Variants in MIPOL1 observed in about 807,000 individuals in gnomAD.
MIPOL1 encodes the protein mirror-image polydactyly gene 1 protein.
A neutral mutation model predicts 60.9 loss-of-function variants in MIPOL1; 57 were observed. That is an observed-to-expected ratio of 0.94 (90% CI 0.76 to 1.17). The LOEUF (loss-of-function observed/expected upper bound fraction) is 1.17. Ranked by LOEUF, MIPOL1 falls within the 50% of genes most tolerant of loss-of-function variation. The pLI, the probability that MIPOL1 is intolerant of heterozygous loss-of-function variation, is 0.00. For missense variants in MIPOL1, 551 were observed against 511.6 expected, an observed-to-expected ratio of 1.08 and a Z score of -0.74; for synonymous variants, 179 against 168.8, an observed-to-expected ratio of 1.06 and a Z score of -0.47.
At chr14:37,520,022 A>G (rs1236158689) in intron 12 of MIPOL1, among the ~76,000 whole-genome samples, 2 of 152,140 alleles carry the variant, frequency 1.3e-5, no homozygotes, top group African/African-American at 4.8e-5. Context: ...ATCTATCAAC[A>G]GGGGCCTGAT....
At chr14:37,426,615 A>AAT (rs1230727940) in intron 11 of MIPOL1, among the ~76,000 whole-genome samples, 2 of 140,046 alleles carry the variant, frequency 1.4e-5, no homozygotes, top group African/African-American at 2.7e-5. Context: ...ATACATATAT[A>AAT]ATATGTATAT....
intron 10 of MIPOL1, chr14:37,401,205 G>GT (rs1422612283): frequency 6.6e-6 from 1 of 152,040 alleles, no homozygotes; most frequent in Non-Finnish European, 1.5e-5. Flanking sequence ...GGAAAATGGA[G>GT]TAAGTGCAGG....
chr14:37,254,063 C>T (rs1974528387), intron 3 of MIPOL1, among the ~76,000 whole-genome samples: 1 of 151,724 alleles, frequency 6.6e-6, no homozygotes, highest in Admixed American at 6.6e-5. Context: ...TCACACATGA[C>T]CATCTAGAAT....
At chr14:37,487,249 G>A (rs2094962180) in intron 11 of MIPOL1, among the ~76,000 whole-genome samples, 1 of 152,084 alleles carries the variant, frequency 6.6e-6, no homozygotes. Flanking sequence ...GTATTTTATT[G>A]AAGATTTTTG....
intron 9 of MIPOL1, among the ~76,000 whole-genome samples, chr14:37,345,652 G>C (rs2090897247): frequency 6.6e-6 from 1 of 152,146 alleles, no homozygotes. Context: ...CATCCATGGA[G>C]TTCTTTATTT....
rs1594867548 is a variant in MIPOL1, at chr14:37,523,629, T to C, written c.1263-23276T>C. 1.1e-5 allele frequency: 4 copies of C among 372,600 alleles called. No homozygotes were observed. The East Asian group carries it at 1.5e-4, about 14-fold the overall frequency. The allele number at this position is 372,600 out of a possible 1,614,324, so 23.1% of individuals were successfully genotyped here. A position where few individuals can be genotyped will look rare whatever the true frequency, so the allele number is the denominator to read the frequency against. On this transcript the variant is annotated intron_variant, in intron 12 of 12. Transcript: ENST00000684589. ...ATAGTTAGATGTTGATCAATTGTAT[T>C]CATGTCCTAATTCAACAGATTTTTT... is the stretch of plus-strand genomic sequence containing the variant.
chr14:37,414,835 C>T (rs2093736684), intron 10 of MIPOL1, among the ~76,000 whole-genome samples: 1 of 152,124 alleles, frequency 6.6e-6, no homozygotes, highest in Non-Finnish European at 1.5e-5. Context: ...GAATGGAACT[C>T]AGGCTAGTTG....
chr14:37,370,961 G>A (rs1336228230), intron 10 of MIPOL1, among the ~76,000 whole-genome samples: 4 of 152,120 alleles, frequency 2.6e-5, no homozygotes, highest in Admixed American at 2.6e-4. Flanking sequence ...AATATGATAT[G>A]GCAGTCTCCA....
chr14:37,374,134 T>G (rs1382329929), intron 10 of MIPOL1, among the ~76,000 whole-genome samples: 1 of 152,200 alleles, frequency 6.6e-6, no homozygotes, highest in East Asian at 1.9e-4. Context: ...CTAATGACAG[T>G]GATGATGAGC....
At chr14:37,416,004 CTT>C (rs1222227357) in intron 10 of MIPOL1, among the ~76,000 whole-genome samples, 2 of 152,064 alleles carry the variant, frequency 1.3e-5, no homozygotes, top group Non-Finnish European at 2.9e-5. Flanking sequence ...GATAATCTCT[CTT>C]TTATTTTCCT....
chr14:37,215,407 A>G (rs1954007016), intron 1 of MIPOL1, among the ~76,000 whole-genome samples: 1 of 151,816 alleles, frequency 6.6e-6, no homozygotes, highest in Admixed American at 6.6e-5. Context: ...GTCTCCGCAC[A>G]CGGGGAGAAA....
chr14:37,465,727 C>A (rs1304786918), intron 11 of MIPOL1, among the ~76,000 whole-genome samples: 1 of 152,054 alleles, frequency 6.6e-6, no homozygotes, highest in African/African-American at 2.4e-5. Context: ...CCTCGTAAGT[C>A]AGTCAATCTT....
chr14:37,275,450 A>G (rs1184008641), intron 6 of MIPOL1, among the ~76,000 whole-genome samples: 1 of 151,308 alleles, frequency 6.6e-6, no homozygotes, highest in African/African-American at 2.4e-5. Flanking sequence ...TGAGTTTAAC[A>G]ATGAGACATA....
chr14:37,452,255 A>G (rs1026890042), intron 11 of MIPOL1, among the ~76,000 whole-genome samples: 2 of 152,232 alleles, frequency 1.3e-5, no homozygotes, highest in African/African-American at 4.8e-5. Flanking sequence ...TGTTATTAAT[A>G]TCTTAAAATG....
chr14:37,345,436 C>T (rs903188976), intron 9 of MIPOL1, among the ~76,000 whole-genome samples: 2 of 152,152 alleles, frequency 1.3e-5, no homozygotes, highest in Non-Finnish European at 2.9e-5. Flanking sequence ...TGTCATTATA[C>T]ACTCAATAAT....
At chr14:37,214,898 A>G (rs1309991410) in intron 1 of MIPOL1, among the ~76,000 whole-genome samples, 1 of 151,676 alleles carries the variant, frequency 6.6e-6, no homozygotes, top group African/African-American at 2.4e-5. Context: ...TCCCTCGGGG[A>G]GTTTAGAGAA....
chr14:37,455,539 A>T (rs1221706095), intron 11 of MIPOL1, among the ~76,000 whole-genome samples: 2 of 152,088 alleles, frequency 1.3e-5, no homozygotes, highest in Non-Finnish European at 2.9e-5. Context: ...TGCTTTAGTT[A>T]TCTGTATACT....
intron 11 of MIPOL1, among the ~76,000 whole-genome samples, chr14:37,471,971 G>A (rs1257351850): frequency 6.6e-6 from 1 of 152,232 alleles, no homozygotes; most frequent in Non-Finnish European, 1.5e-5. Flanking sequence ...AGGGAAGCAG[G>A]GCCTGAGGTA....
chr14:37,257,927 G>A (rs1975230927), intron 3 of MIPOL1, among the ~76,000 whole-genome samples: 1 of 152,152 alleles, frequency 6.6e-6, no homozygotes, highest in Non-Finnish European at 1.5e-5. Flanking sequence ...AAAGCTATGC[G>A]GTGGACCTCC....
Sources: gnomAD v4.1 joint callset for allele counts (sites outside exome capture counted in the v4.1 genomes callset) on GRCh38, gnomAD v4.1.1 for gene constraint, MANE v1.5 for transcripts, NCBI Gene and HGNC (gene_info 2026-07-23, HGNC 2026-07-21) for gene names.